The following SLX4 variants were observed in gnomAD, a reference collection of about 807,000 sequenced individuals.
SLX4 encodes the protein structure-specific endonuclease subunit SLX4.
A neutral mutation model predicts 146.2 loss-of-function variants in SLX4; 112 were observed. That is an observed-to-expected ratio of 0.77 (90% CI 0.66 to 0.90). The LOEUF is 0.90. SLX4 is among the 40% of genes least tolerant of loss of function. The probability of loss-of-function intolerance (pLI) is 0.00; values close to 1 mark genes in which losing one functional copy is unlikely to be tolerated. For missense variants in SLX4, 2,563 were observed against 2,392.7 expected (o/e 1.07, Z -1.49); for synonymous variants, 1,061 against 997.7 (o/e 1.06, Z -1.20).
In SLX4 at chr16:3,581,671, G is replaced by A. The variant is rs1386962753; in HGVS notation, c.*671C>T. 1 of 154,988 alleles carries A rather than the reference G, an allele frequency of 6.5e-6. No individual in the cohort carries two copies. The allele number at this position is 154,988 out of a possible 1,614,324, so 9.6% of individuals were successfully genotyped here. A position where few individuals can be genotyped will look rare whatever the true frequency, so the allele number is the denominator to read the frequency against. ...GGTGGGCTCAGAGGGTGGCAAATGT[G>A]GCAGAATAGGCCATGCCCTGGCCAG... On this transcript the variant is annotated 3_prime_UTR_variant, in exon 15 of 15. Coordinates refer to ENST00000294008, the MANE Select transcript of SLX4 (RefSeq NM_032444.4).
At chr16:3,602,979 T>C (rs1222179819) in intron 3 of SLX4, among the ~76,000 whole-genome samples, 1 of 152,192 alleles carries the variant, frequency 6.6e-6, no homozygotes, top group African/African-American at 2.4e-5. Flanking sequence ...CCCAAGTTCT[T>C]CATGGCTGTG....
Position 3,589,031 on chromosome 16 carries a change from G to A in SLX4, c.4607C>T (p.Ala1536Val), listed in dbSNP as rs759939338. The A allele has an allele frequency of 7.4e-6, 12 of 1,614,022 alleles. No homozygotes were observed. The Admixed American group carries it at 2.0e-4, about 27-fold the overall frequency. The change falls in exon 12 of 15, where the codon GCT becomes GTT. Residue 1536 changes from alanine to valine, a missense_variant. Ala to Val is a moderately conservative substitution (Grantham distance 64). Coordinates refer to ENST00000294008, the MANE Select transcript of SLX4 (RefSeq NM_032444.4). This position sits in a 1 kb window ranked among gnomAD's most constrained non-coding sequence, Gnocchi z 6.2. Reference sequence around the variant, plus strand: ...TGTCTCTAACCCTTCGGGCTTCTGAGCTCCACCAGCGCTTGGCATCTGGGC... The same window carrying A: ...TGTCTCTAACCCTTCGGGCTTCTGAACTCCACCAGCGCTTGGCATCTGGGC... ...PPAQMPSAGG[A>V]QKPEGLETPK...
At chr16:3,596,513 G>T in intron 7 of SLX4, 120 bp from the exon 8 acceptor site, 1 of 1,266,790 alleles carries the variant, frequency 7.9e-7, no homozygotes, top group Non-Finnish European at 1.1e-6. Flanking sequence ...GATGTGGGCT[G>T]TGGGGACAGA....
In SLX4 at chr16:3,599,402, G is replaced by A. The variant is rs771794958; in HGVS notation, c.1164-1403C>T. Reference sequence around the variant, plus strand: ...CTATGAACCTGGTGTCAGCTCTAGCGTCCTCAGCAGCAGGGCAGCGTGGAG... The same window carrying A: ...CTATGAACCTGGTGTCAGCTCTAGCATCCTCAGCAGCAGGGCAGCGTGGAG... On this transcript the variant is annotated intron_variant, in intron 5 of 14. Coordinates refer to ENST00000294008, the MANE Select transcript of SLX4 (RefSeq NM_032444.4). Among the ~76,000 whole-genome samples the A allele has an allele frequency of 3.9e-5, 6 of 152,224 alleles. No individual in the cohort carries two copies. The East Asian group carries it at 7.7e-4, about 20-fold the overall frequency.
At position 3,609,012 on chromosome 16, in the gene SLX4, A is replaced by G; in HGVS notation, c.-48T>C. The G allele has an allele frequency of 6.3e-7, 1 of 1,592,266 alleles. No individual in the cohort carries two copies. Among genetic ancestry groups the G allele is most frequent in the Non-Finnish European group, 8.5e-7 (1 of 1,171,498 alleles). On this transcript the variant is annotated 5_prime_UTR_variant, in exon 2 of 15. Transcript: ENST00000294008. ...ATTAGATACTTGGAGAGTTTGCACA[A>G]TTGAACAAAAAGTACTGTTTTCCTC...
At chr16:3,584,343 C>G (rs2151117725) in intron 13 of SLX4, among the ~76,000 whole-genome samples, 1 of 151,874 alleles carries the variant, frequency 6.6e-6, no homozygotes, top group South Asian at 2.1e-4. Flanking sequence ...ATCGCTTGAA[C>G]CCGGGAGGTG....
In SLX4 at chr16:3,602,307, A is replaced by C. The variant is rs776582706; in HGVS notation, c.761T>G (p.Val254Gly). ...TGGGGCAGGGGGCCCAAGCCCATACACTGTGGAGAAGCACCAAAGATCCGT... is the reference window on the plus strand; with the variant it reads ...TGGGGCAGGGGGCCCAAGCCCATACCCTGTGGAGAAGCACCAAAGATCCGT... ...DPQEEMMAGN[V>G]YGLGPPAPES... The change falls in exon 4 of 15, where the codon GTG (valine) becomes GGG (glycine). Residue 254 changes from valine (V) to glycine (G), a missense_variant and splice_region_variant. Transcript: ENST00000294008. The C allele has an allele frequency of 6.2e-7, 1 of 1,613,614 alleles. No homozygotes were observed. Among genetic ancestry groups the C allele is most frequent in the Non-Finnish European group, 8.5e-7 (1 of 1,180,036 alleles).
intron 1 of SLX4, among the ~76,000 whole-genome samples, chr16:3,609,890 G>A (rs559373481): frequency 4.6e-5 from 7 of 152,338 alleles, no homozygotes; most frequent in African/African-American, 1.4e-4. Context: ...CCAAATCTAG[G>A]AAAACTATCT....
intron 1 of SLX4, among the ~76,000 whole-genome samples, chr16:3,610,644 A>C (rs372591250): frequency 6.6e-6 from 1 of 152,190 alleles, no homozygotes; most frequent in East Asian, 1.9e-4. Context: ...GTGTGGTTCG[A>C]AACTATCCGC....
At chr16:3,601,470 A>G (rs1243463505) in intron 4 of SLX4, 1 of 477,812 alleles carries the variant, frequency 2.1e-6, no homozygotes, top group Non-Finnish European at 3.8e-6. Context: ...AAGAACTGAA[A>G]GCAGGTACCC....
Position 3,608,544 on chromosome 16 carries a change from C to G in SLX4, c.421G>C (p.Gly141Arg), listed in dbSNP as rs137976282. The change falls in exon 2 of 15, where the codon GGG becomes CGG. Residue 141 changes from glycine (G) to arginine (R), a missense_variant. Gly to Arg is a moderately radical substitution (Grantham distance 125). Coordinates refer to ENST00000294008, the MANE Select transcript of SLX4 (RefSeq NM_032444.4). ...SEPAHSVNGE[G>R]GVLASAPDPP... ...TCTGGAGCAGAGGCAAGCACACCCC[C>G]CTCCCCATTCACAGAGTGGGCCGGT... 110 of 1,614,190 alleles carry G rather than the reference C, an allele frequency of 6.8e-5. No homozygotes were observed. The African/African-American group carries it at 8.1e-4, about 12-fold the overall frequency.
Position 3,583,165 on chromosome 16 carries a change from C to G in SLX4, c.5085G>C (p.Gln1695His). The G allele has an allele frequency of 1.2e-6, 2 of 1,614,244 alleles. No homozygotes were observed. The highest frequency in any genetic ancestry group is 1.7e-6 in the Non-Finnish European group (2 of 1,180,050). Residue 1695 changes from glutamine to histidine, a missense_variant, in exon 14 of 15, where the codon CAG becomes CAC. Physicochemically the swap from Gln to His is conservative, Grantham distance 24. Coordinates refer to ENST00000294008, the MANE Select transcript of SLX4 (RefSeq NM_032444.4). ...CCACGGATTCTTGAGAGGCTGGGAT[C>G]TGGGCGTCATCATTGAGGCCTGGAG... Reference protein sequence around the residue: ...EAPPGLNDDAQIPASQESVAT... With the variant: ...EAPPGLNDDAHIPASQESVAT...
chr16:3,582,176 C>T lies in SLX4; in HGVS notation c.*166G>A. On this transcript the variant is annotated 3_prime_UTR_variant, in exon 15 of 15. Coordinates refer to ENST00000294008, the MANE Select transcript of SLX4 (RefSeq NM_032444.4). ...AGAAAGCAGAGCCCAGAGGAGGAAGCCCTGGATTGGGCTGTGGTCATCATC... is the reference window on the plus strand; with the variant it reads ...AGAAAGCAGAGCCCAGAGGAGGAAGTCCTGGATTGGGCTGTGGTCATCATC... The T allele has an allele frequency of 1.6e-6, 1 of 626,252 alleles. No individual in the cohort carries two copies. The allele number at this position is 626,252 out of a possible 1,614,324, so 38.8% of individuals were successfully genotyped here.
chr16:3,593,197 G>C (rs1394599629), intron 10 of SLX4, among the ~76,000 whole-genome samples: 1 of 151,958 alleles, frequency 6.6e-6, no homozygotes, highest in Non-Finnish European at 1.5e-5. Flanking sequence ...TCAGCCTCCC[G>C]AGTAGCTGGG....
In SLX4 at chr16:3,589,156, G is replaced by A. The variant is rs766087147; in HGVS notation, c.4482C>T (p.Gly1494=). The A allele has an allele frequency of 6.8e-6, 11 of 1,613,948 alleles. No homozygotes were observed. Among genetic ancestry groups the A allele is most frequent in the South Asian group, 3.3e-5 (3 of 91,092 alleles). The change falls in exon 12 of 15, where the codon GGC becomes GGT. Residue 1494 remains glycine, a synonymous_variant. Transcript: ENST00000294008. This position sits in a 1 kb window ranked among gnomAD's most constrained non-coding sequence, Gnocchi z 6.2. ...GCCTGCTATTCCCCAGGGAGCCCGC[G>A]CCCGAGGACTTCTCTTGCAATTTCC... ...TQRKLQEKSS[G]AGSLGNSRPS...
intron 1 of SLX4, among the ~76,000 whole-genome samples, chr16:3,610,935 A>G (rs1169536085): frequency 6.6e-5 from 10 of 152,204 alleles, no homozygotes; most frequent in African/African-American, 2.2e-4. Context: ...ATCCTGTTGG[A>G]TGCGGGGAGC....
chr16:3,594,428 G>A (rs773338201), intron 10 of SLX4, 25 bp downstream of exon 10: 4 of 1,604,140 alleles, frequency 2.5e-6, no homozygotes, highest in Admixed American at 3.4e-5. Context: ...AGGAAAGGAG[G>A]GCACACGGCA....
Position 3,583,162 on chromosome 16 carries a change from G to A in SLX4, c.5088C>T (p.Ile1696=), listed in dbSNP as rs745883123. The change falls in exon 14 of 15, where the codon ATC becomes ATT. Residue 1696 remains isoleucine, a synonymous_variant. Coordinates refer to ENST00000294008, the MANE Select transcript of SLX4 (RefSeq NM_032444.4). ...APPGLNDDAQ[I]PASQESVATS... Reference sequence around the variant, plus strand: ...TGGCCACGGATTCTTGAGAGGCTGGGATCTGGGCGTCATCATTGAGGCCTG... The same window carrying A: ...TGGCCACGGATTCTTGAGAGGCTGGAATCTGGGCGTCATCATTGAGGCCTG... The A allele has an allele frequency of 4.3e-6, 7 of 1,614,254 alleles. No homozygotes were observed. The highest frequency in any genetic ancestry group is 5.1e-6 in the Non-Finnish European group (6 of 1,180,044).
At chr16:3,588,329 C>A (rs1289686043) in intron 12 of SLX4, among the ~76,000 whole-genome samples, 1 of 152,218 alleles carries the variant, frequency 6.6e-6, no homozygotes, top group African/African-American at 2.4e-5. Flanking sequence ...GCAGACAGTA[C>A]ATGACCTTCT....
Sources: allele counts gnomAD v4.1 joint callset (sites outside exome capture counted in the v4.1 genomes callset), GRCh38; gene constraint gnomAD v4.1.1; non-coding constraint Gnocchi (gnomAD v3.1); transcripts MANE v1.5; gene names NCBI Gene and HGNC (gene_info 2026-07-23, HGNC 2026-07-21).